The following RSPO2 variants were observed in gnomAD, a reference collection of about 807,000 sequenced individuals.
RSPO2 encodes the protein R-spondin-2.
RSPO2 carries 14 observed loss-of-function variants against 30.9 expected under a neutral mutation model. That is an observed-to-expected ratio of 0.45 (90% CI 0.30 to 0.71). The LOEUF is 0.71. Ranked by LOEUF, RSPO2 falls within the 30% of genes least tolerant of loss-of-function variation. The pLI is 0.08. For synonymous variants in RSPO2, 107 were observed against 96.4 expected (o/e 1.11, Z -0.64); for missense variants, 264 against 301.9 (o/e 0.87, Z 0.93).
intron 2 of RSPO2, among the ~76,000 whole-genome samples, chr8:108,040,888 C>A (rs1052684825): frequency 1.3e-5 from 2 of 152,076 alleles, no homozygotes; most frequent in South Asian, 4.1e-4. Context: ...TTGAAGATGT[C>A]AAATTGCCAA....
intron 5 of RSPO2, among the ~76,000 whole-genome samples, chr8:107,951,242 G>A (rs1352779389): frequency 1.3e-5 from 2 of 151,906 alleles, no homozygotes; most frequent in Non-Finnish European, 2.9e-5. Flanking sequence ...TTTTAGTACA[G>A]AGTTTCACCA....
chr8:107,952,261 T>C (rs887730350), intron 5 of RSPO2, among the ~76,000 whole-genome samples: 1 of 144,756 alleles, frequency 6.9e-6, no homozygotes, highest in African/African-American at 2.5e-5. Context: ...CCTCCCAGTT[T>C]ATAATCACTT....
At chr8:107,907,214 G>C (rs1162049378) in intron 5 of RSPO2, among the ~76,000 whole-genome samples, 1 of 151,930 alleles carries the variant, frequency 6.6e-6, no homozygotes, top group Non-Finnish European at 1.5e-5. Context: ...TAAAGGAAAT[G>C]AATCAATTGT....
Position 107,900,438 on chromosome 8 carries a change from A to C in RSPO2, c.*637T>G, listed in dbSNP as rs367928746. 5.2e-5 allele frequency: 8 copies of C among 152,742 alleles called. No homozygotes were observed. The highest frequency in any genetic ancestry group is 1.9e-4 in the African/African-American group (8 of 41,588). 9.5% of individuals were successfully genotyped at this position (152,742 alleles called of 1,614,324 possible). ...ATGGGTTAGGAACCACTAGAAACAA[A>C]GTGGCATCATATTAATCAGGTATGA... is the stretch of plus-strand genomic sequence containing the variant. On this transcript the variant is annotated 3_prime_UTR_variant, in exon 6 of 6. Coordinates refer to ENST00000276659, the MANE Select transcript of RSPO2 (RefSeq NM_178565.5).
intron 3 of RSPO2, chr8:107,983,001 T>G (rs1586600274): frequency 1.5e-6 from 1 of 657,582 alleles, no homozygotes; most frequent in Admixed American, 3.3e-5. Context: ...GACTGGCTCC[T>G]GGGGTGCAGA....
intron 2 of RSPO2, among the ~76,000 whole-genome samples, chr8:108,008,706 A>C (rs1295625639): frequency 1.3e-5 from 2 of 151,950 alleles, no homozygotes; most frequent in Admixed American, 1.3e-4. Flanking sequence ...TACTTTGTAC[A>C]ATGGTTTGCT....
Position 108,034,361 on chromosome 8 carries a change from AT to A in RSPO2, c.95-45118del, listed in dbSNP as rs1359867217. On this transcript the variant is annotated intron_variant, in intron 2 of 5. Coordinates refer to ENST00000276659, the MANE Select transcript of RSPO2 (RefSeq NM_178565.5). ...TCTGAGAAATTTGGTTACGGTGGGT[AT>A]TCAGTGACCCTGAGGAATTACTGTT... 8.5e-5 allele frequency among the ~76,000 whole-genome samples: 13 copies of A among 152,326 alleles called. No homozygotes were observed. In the East Asian group the frequency reaches 2.3e-3, roughly 27 times the overall value.
intron 3 of RSPO2, among the ~76,000 whole-genome samples, chr8:107,963,811 TCTTTTG>T (rs1188966054): frequency 6.6e-6 from 1 of 152,140 alleles, no homozygotes; most frequent in Non-Finnish European, 1.5e-5. Context: ...AAAATTAAGC[TCTTTTG>T]ATTTTAACAG....
intron 5 of RSPO2, among the ~76,000 whole-genome samples, chr8:107,952,093 G>C (rs1813268478): frequency 6.6e-6 from 1 of 152,142 alleles, no homozygotes; most frequent in Admixed American, 6.6e-5. Flanking sequence ...GCTGGGGAGA[G>C]GAAGGGGATT....
intron 2 of RSPO2, 63 bp downstream of exon 2, chr8:108,082,482 A>G: frequency 1.5e-6 from 2 of 1,290,444 alleles, no homozygotes; most frequent in Non-Finnish European, 2.2e-6. Context: ...CCAGGGCGTG[A>G]GTGAGCGCCT....
chr8:107,944,104 A>G (rs1321630133), intron 5 of RSPO2, among the ~76,000 whole-genome samples: 1 of 152,232 alleles, frequency 6.6e-6, no homozygotes, highest in African/African-American at 2.4e-5. Flanking sequence ...TTCTAAGTTT[A>G]TGGTAATAAT....
chr8:107,966,452 G>C (rs76286565), intron 3 of RSPO2, among the ~76,000 whole-genome samples: 450 of 152,300 alleles, frequency 3.0e-3, no homozygotes, highest in African/African-American at 0.01. Context: ...AAGACACAGC[G>C]AGCTGGAGAG....
At chr8:107,957,943 A>T in intron 5 of RSPO2, 137 bp downstream of exon 5, 1 of 599,654 alleles carries the variant, frequency 1.7e-6, no homozygotes, top group South Asian at 3.0e-5. Context: ...AAATAAGTAC[A>T]ACAAAACTTT....
intron 1 of RSPO2, 158 bp from the exon 2 acceptor site, chr8:108,082,965 A>T: frequency 3.3e-6 from 1 of 301,396 alleles, no homozygotes. Flanking sequence ...CAGAGCGGGC[A>T]GCTGCGGACG....
chr8:107,976,215 T>C (rs1814203598), intron 3 of RSPO2, among the ~76,000 whole-genome samples: 1 of 152,206 alleles, frequency 6.6e-6, no homozygotes, highest in Admixed American at 6.5e-5. Context: ...TATCCAATGA[T>C]GTATTTCTTT....
intron 2 of RSPO2, among the ~76,000 whole-genome samples, chr8:108,013,947 T>A (rs60660069): frequency 0.19 from 29,413 of 152,000 alleles, 3,184 homozygotes; most frequent in Middle Eastern, 0.29. Flanking sequence ...TTGCAATCTA[T>A]CCATCTGACA....
chr8:108,074,173 A>G (rs1812937825), intron 2 of RSPO2, among the ~76,000 whole-genome samples: 1 of 152,188 alleles, frequency 6.6e-6, no homozygotes, highest in Non-Finnish European at 1.5e-5. Context: ...GGTAACTTCT[A>G]TTTTATAAGT....
intron 2 of RSPO2, among the ~76,000 whole-genome samples, chr8:107,990,229 T>TA (rs1207269106): frequency 6.6e-6 from 1 of 151,630 alleles, no homozygotes; most frequent in Non-Finnish European, 1.5e-5. Flanking sequence ...CAAAACAAGA[T>TA]AAAAAGGTAC....
At chr8:107,994,185 C>T (rs1814939601) in intron 2 of RSPO2, among the ~76,000 whole-genome samples, 1 of 152,018 alleles carries the variant, frequency 6.6e-6, no homozygotes, top group Non-Finnish European at 1.5e-5. Flanking sequence ...TATACATTTG[C>T]AAAACCCAAA....
Sources: gnomAD v4.1 joint callset for allele counts (sites outside exome capture counted in the v4.1 genomes callset) on GRCh38, gnomAD v4.1.1 for gene constraint, MANE v1.5 for transcripts, NCBI Gene and HGNC (gene_info 2026-07-23, HGNC 2026-07-21) for gene names.